The following SAMD12 variants were observed in gnomAD, a reference collection of about 807,000 sequenced individuals.
SAMD12 encodes the protein sterile alpha motif domain-containing protein 12.
Under a neutral mutation model 15.0 loss-of-function variants are expected in SAMD12, and 9 were observed. The observed-to-expected ratio is 0.60, with a 90% confidence interval of 0.36 to 1.05. The LOEUF is 1.05. Among genes scored for constraint, SAMD12 ranks in the 50% least tolerant of loss-of-function variants. The pLI is 0.01. For missense variants in SAMD12, 230 were observed against 234.2 expected, an observed-to-expected ratio of 0.98 and a Z score of 0.12; for synonymous variants, 86 against 90.1, an observed-to-expected ratio of 0.96 and a Z score of 0.25.
At chr8:118,381,395 G>T (rs909432174) in intron 3 of SAMD12, among the ~76,000 whole-genome samples, 1 of 152,158 alleles carries the variant, frequency 6.6e-6, no homozygotes, top group East Asian at 1.9e-4. Flanking sequence ...TATGGCTGGT[G>T]GACTAATGGG....
At chr8:118,550,436 T>C (rs1374465316) in intron 2 of SAMD12, among the ~76,000 whole-genome samples, 1 of 152,122 alleles carries the variant, frequency 6.6e-6, no homozygotes, top group Non-Finnish European at 1.5e-5. Context: ...TTAAGCTTCA[T>C]AAGTGAAGGA....
At chr8:118,453,946 T>C (rs1339177503) in intron 2 of SAMD12, among the ~76,000 whole-genome samples, 4 of 152,166 alleles carry the variant, frequency 2.6e-5, no homozygotes, top group African/African-American at 4.8e-5. Flanking sequence ...CTCATAGAGT[T>C]CTCTTTACCC....
chr8:118,134,013 T>C, the SAMD12 span, among the ~76,000 whole-genome samples: 4 of 152,238 alleles, frequency 2.6e-5, no homozygotes, highest in Non-Finnish European at 4.4e-5. Flanking sequence ...CGAGCTCTAA[T>C]GTTACAACAG....
chr8:118,227,121 C>T (rs999401700), intron 4 of SAMD12, among the ~76,000 whole-genome samples: 1 of 152,068 alleles, frequency 6.6e-6, no homozygotes, highest in Non-Finnish European at 1.5e-5. Flanking sequence ...AACCTAAATG[C>T]CCATCAATGG....
At chr8:118,370,808 G>A (rs1306009924) in intron 4 of SAMD12, among the ~76,000 whole-genome samples, 1 of 152,102 alleles carries the variant, frequency 6.6e-6, no homozygotes, top group Non-Finnish European at 1.5e-5. Context: ...GGGAGGGAGA[G>A]CATCAGGAAA....
chr8:118,401,777 T>C (rs1820881992), intron 3 of SAMD12, among the ~76,000 whole-genome samples: 1 of 152,184 alleles, frequency 6.6e-6, no homozygotes, highest in Admixed American at 6.5e-5. Flanking sequence ...GATGCATTGC[T>C]GGGATTGAAC....
chr8:118,215,767 A>C (rs866287155), intron 4 of SAMD12, among the ~76,000 whole-genome samples: 3 of 152,220 alleles, frequency 2.0e-5, no homozygotes, highest in Non-Finnish European at 2.9e-5. Flanking sequence ...TTCCAATTTC[A>C]TCCATGTCCC....
intron 2 of SAMD12, among the ~76,000 whole-genome samples, chr8:118,526,345 C>G: frequency 6.6e-6 from 1 of 152,174 alleles, no homozygotes; most frequent in East Asian, 1.9e-4. Context: ...TAAAGAGTCA[C>G]CAAGAAAACC....
intron 4 of SAMD12, among the ~76,000 whole-genome samples, chr8:118,317,865 A>C (rs1188372648): frequency 6.6e-6 from 1 of 152,176 alleles, no homozygotes; most frequent in Non-Finnish European, 1.5e-5. Context: ...GAAAACAAAT[A>C]ATCTCATCAA....
At chr8:118,238,551 A>C (rs2129956315) in intron 4 of SAMD12, among the ~76,000 whole-genome samples, 1 of 152,244 alleles carries the variant, frequency 6.6e-6, no homozygotes, top group African/African-American at 2.4e-5. Context: ...TTCAAAGGCT[A>C]TCTCCTTGTG....
At position 118,580,801 on chromosome 8, in the gene SAMD12, G is replaced by C. The variant is rs147252072; in HGVS notation, c.106C>G (p.Gln36Glu). The C allele has an allele frequency of 1.6e-5, 26 of 1,612,326 alleles. No individual in the cohort carries two copies. The African/African-American group carries it at 3.2e-4, about 20-fold the overall frequency. ...TGGAAATTTTTATTTTTAATGGATT[G>C]AGATTCCACACCTTCACCTTCAATT... is the stretch of plus-strand genomic sequence containing the variant. ...LQIEGEGVES[Q>E]SIKNKNFQKV... The change falls in exon 2 of 4, where the codon CAA becomes GAA. Residue 36 changes from glutamine (Q) to glutamate (E), a missense_variant. Gln to Glu is a conservative substitution (Grantham distance 29). Coordinates refer to ENST00000314727, the MANE Select transcript of SAMD12 (RefSeq NM_207506.3).
intron 2 of SAMD12, among the ~76,000 whole-genome samples, chr8:118,478,120 A>G (rs1824016836): frequency 6.6e-6 from 1 of 152,106 alleles, no homozygotes; most frequent in South Asian, 2.1e-4. Flanking sequence ...TCACCATCCA[A>G]TTACCTAAAT....
intron 4 of SAMD12, among the ~76,000 whole-genome samples, chr8:118,211,442 G>A (rs1043913429): frequency 6.6e-6 from 1 of 152,162 alleles, no homozygotes; most frequent in Non-Finnish European, 1.5e-5. Flanking sequence ...AGAGAGGGAG[G>A]AAGCTCCTGG....
At chr8:118,356,741 C>T (rs139699765) in intron 4 of SAMD12, among the ~76,000 whole-genome samples, 1 of 152,210 alleles carries the variant, frequency 6.6e-6, no homozygotes, top group Non-Finnish European at 1.5e-5. Context: ...GACCTCAAAC[C>T]TCACATGTCT....
At chr8:118,405,570 C>T (rs1038623620) in intron 3 of SAMD12, among the ~76,000 whole-genome samples, 9 of 152,074 alleles carry the variant, frequency 5.9e-5, no homozygotes, top group Non-Finnish European at 1.3e-4. Flanking sequence ...AGTCTTATGT[C>T]TAGATCTGAG....
At chr8:118,285,084 T>C (rs1435859149) in intron 4 of SAMD12, 1 of 152,090 alleles carries the variant, frequency 6.6e-6, no homozygotes, top group Non-Finnish European at 1.5e-5. Flanking sequence ...GGCAGGCTCC[T>C]CCTGAGTCCC....
chr8:118,431,909 A>T (rs555072070), intron 3 of SAMD12, among the ~76,000 whole-genome samples: 1 of 152,188 alleles, frequency 6.6e-6, no homozygotes, highest in South Asian at 2.1e-4. Flanking sequence ...TAGTCCCACA[A>T]TTCTTGGATG....
intron 4 of SAMD12, among the ~76,000 whole-genome samples, chr8:118,349,076 A>G (rs768769879): frequency 3.4e-4 from 52 of 152,230 alleles, no homozygotes; most frequent in Admixed American, 2.0e-4. Context: ...TGCTTGGAGA[A>G]AGGTACCTCA....
At chr8:118,389,351 A>G (rs1486631145) in intron 3 of SAMD12, among the ~76,000 whole-genome samples, 1 of 152,238 alleles carries the variant, frequency 6.6e-6, no homozygotes, top group Non-Finnish European at 1.5e-5. Flanking sequence ...TCAGGATAAC[A>G]TAATTGGGTG....
Sources: gnomAD v4.1 joint callset for allele counts (sites outside exome capture counted in the v4.1 genomes callset) on GRCh38, gnomAD v4.1.1 for gene constraint, MANE v1.5 for transcripts, NCBI Gene and HGNC (gene_info 2026-07-23, HGNC 2026-07-21) for gene names.